Variants in ZNF510 observed in about 807,000 individuals in gnomAD.
ZNF510 encodes zinc finger protein 510.
A neutral mutation model predicts 18.1 loss-of-function variants in ZNF510; 15 were observed. That is an observed-to-expected ratio of 0.83 (90% CI 0.55 to 1.28). ZNF510 has a LOEUF of 1.28. ZNF510 is among the 50% of genes most tolerant of loss of function. The pLI, the probability that ZNF510 is intolerant of heterozygous loss-of-function variation, is 0.00. For synonymous variants in ZNF510, 261 were observed against 266.4 expected, an observed-to-expected ratio of 0.98 and a Z score of 0.20; for missense variants, 724 against 791.8, an observed-to-expected ratio of 0.91 and a Z score of 1.03.
chr9:96,763,197 T>A lies in ZNF510; in HGVS notation c.273A>T (p.Lys91Asn), dbSNP rs746930100. The change falls in exon 5 of 6, where the codon AAA becomes AAT. Residue 91 changes from lysine to asparagine, a missense_variant. Transcript: ENST00000223428. ...GCTCCAACTTGAAGATCACCTCTGG[T>A]TTGAAACAGCAGTACCCTGTTAATA... ...NLVSVGYCCF[K>N]PEVIFKLEQG... 1.2e-6 allele frequency: 2 copies of A among 1,614,036 alleles called. No individual in the cohort carries two copies. Among genetic ancestry groups the A allele is most frequent in the Non-Finnish European group, 1.7e-6 (2 of 1,179,940 alleles).
At position 96,775,117 on chromosome 9, in the gene ZNF510, C is replaced by T. The variant is rs1049428356; in HGVS notation, c.71-271G>A. 9.2e-5 allele frequency among the ~76,000 whole-genome samples: 14 copies of T among 151,412 alleles called. No individual in the cohort carries two copies. The East Asian group carries it at 1.4e-3, about 15-fold the overall frequency. ...CTCTGTTGCCCAGGCTGGAGTGCAGCGGTGTGATCTCAGTTCACTGCAACT... is the reference window on the plus strand; with the variant it reads ...CTCTGTTGCCCAGGCTGGAGTGCAGTGGTGTGATCTCAGTTCACTGCAACT... On this transcript the variant is annotated intron_variant, in intron 2 of 5. Coordinates refer to ENST00000223428, the MANE Select transcript of ZNF510 (RefSeq NM_014930.3).
At position 96,759,207 on chromosome 9, in the gene ZNF510, C is replaced by T. The variant is rs199681217; in HGVS notation, c.1623G>A (p.Glu541=). 5 of 1,613,896 alleles carry T rather than the reference C, an allele frequency of 3.1e-6. No homozygotes were observed. Among genetic ancestry groups the T allele is most frequent in the Non-Finnish European group, 4.2e-6 (5 of 1,180,002 alleles). ...CACATTCATTACACTGGTAAGTTTT[C>T]TCCCCAGTGTGAGTTCTCTGATGTA... The part of the protein sequence containing the change: ...LRIHQRTHTG[E]KTYQCNECEK... Residue 541 remains glutamate (E), a synonymous_variant, in exon 6 of 6, where the codon GAG becomes GAA. Transcript: ENST00000223428.
chr9:96,770,611 A>AT (rs1554796990), intron 3 of ZNF510, among the ~76,000 whole-genome samples: 42 of 150,056 alleles, frequency 2.8e-4, no homozygotes, highest in Non-Finnish European at 4.4e-4. Flanking sequence ...CTCAAAAAAA[A>AT]AATATATATA....
intron 3 of ZNF510, among the ~76,000 whole-genome samples, chr9:96,767,076 C>A (rs1849488783): frequency 6.6e-6 from 1 of 152,132 alleles, no homozygotes; most frequent in Admixed American, 6.5e-5. Context: ...GCCTATAATT[C>A]CAGCACTTTG....
intron 3 of ZNF510, among the ~76,000 whole-genome samples, chr9:96,771,528 C>T (rs1849584483): frequency 6.6e-6 from 1 of 151,692 alleles, no homozygotes; most frequent in Admixed American, 6.6e-5. Flanking sequence ...AAATAAGACT[C>T]AATGGTGAAA....
chr9:96,759,422 C>A lies in ZNF510; in HGVS notation c.1408G>T (p.Val470Phe), dbSNP rs972135810. 2 of 1,613,944 alleles carry A rather than the reference C, an allele frequency of 1.2e-6. No homozygotes were observed. Among genetic ancestry groups the A allele is most frequent in the South Asian group, 2.2e-5 (2 of 91,084 alleles). Residue 470 changes from valine (V) to phenylalanine (F), a missense_variant, in exon 6 of 6, where the codon GTC becomes TTC. Coordinates refer to ENST00000223428, the MANE Select transcript of ZNF510 (RefSeq NM_014930.3). Reference sequence around the variant, plus strand: ...TGTCCCCTGAGGGTTGACTTCTGGACAAATGTTTTTCCACATTCATTACAT... The same window carrying A: ...TGTCCCCTGAGGGTTGACTTCTGGAAAAATGTTTTTCCACATTCATTACAT... ...YKCNECGKTF[V>F]QKSTLRGHQR... is the part of the protein sequence containing the mutation.
At chr9:96,775,248 T>C (rs1849670412) in intron 2 of ZNF510, among the ~76,000 whole-genome samples, 1 of 152,006 alleles carries the variant, frequency 6.6e-6, no homozygotes, top group Non-Finnish European at 1.5e-5. Context: ...TTTGTAGAAA[T>C]GGGGTTTCAC....
intron 3 of ZNF510, among the ~76,000 whole-genome samples, chr9:96,769,839 A>G (rs1228590586): frequency 6.6e-6 from 1 of 152,364 alleles, no homozygotes; most frequent in African/African-American, 2.4e-5. Flanking sequence ...TCATTAATCA[A>G]GGAAATGCAA....
In ZNF510 at chr9:96,759,166, C is replaced by T. The variant is rs143262029; in HGVS notation, c.1664G>A (p.Arg555Gln). 49 of 1,612,720 alleles carry T rather than the reference C, an allele frequency of 3.0e-5. 1 individual carries two copies. The highest frequency in any genetic ancestry group is 1.6e-4 in the Middle Eastern group (1 of 6,066). ...CTGATGTTGAATGAGATGATCTTTT[C>T]GCCAGAAGGATTTTTCACATTCATT... ...QCNECEKSFW[R>Q]KDHLIQHQKT... The change falls in exon 6 of 6, where the codon CGA (arginine) becomes CAA (glutamine). Residue 555 changes from arginine to glutamine, a missense_variant. Coordinates refer to ENST00000223428, the MANE Select transcript of ZNF510 (RefSeq NM_014930.3).
chr9:96,761,554 GCTTGGTTACAACTTCT>G (rs1193877546), intron 5 of ZNF510, among the ~76,000 whole-genome samples: 1 of 152,008 alleles, frequency 6.6e-6, no homozygotes, highest in Non-Finnish European at 1.5e-5. Context: ...GTTTACCTAT[GCTTGGTTACAACTTCT>G]CTATGCTTAG....
chr9:96,769,118 C>T (rs10978891), intron 3 of ZNF510, among the ~76,000 whole-genome samples: 4,921 of 152,060 alleles, frequency 0.032, 218 homozygotes, highest in East Asian at 0.23. Context: ...AGCTGGACTC[C>T]TACCTTATAC....
rs1849154468 is a variant in ZNF510 at position 96,754,569 on chromosome 9, CAATT to C, written c.*4205_*4208del. Among the ~76,000 whole-genome samples the C allele has an allele frequency of 6.6e-6, 1 of 151,812 alleles. No homozygotes were observed. Among genetic ancestry groups the C allele is most frequent in the Non-Finnish European group, 1.5e-5 (1 of 67,980 alleles). ...AGACATAACTTTGAACTGGGAATCT[CAATT>C]TATTGAAAATACATGTTTTGGTTGA... On this transcript the variant is annotated 3_prime_UTR_variant, in exon 6 of 6. Transcript: ENST00000223428.
rs1281123061 is a variant in ZNF510, at chr9:96,758,859, T to G, written c.1971A>C (p.Glu657Asp). 6.2e-7 allele frequency: 1 copy of G among 1,613,930 alleles called. No individual in the cohort carries two copies. The highest frequency in any genetic ancestry group is 1.3e-5 in the African/African-American group (1 of 74,916). ...QRTHSGEKSY[E>D]CNEYGKLCKK... ...TACATAATTTCCCATATTCATTGCA[T>G]TCATAAGATTTCTCCCCACTGTGAG... Residue 657 changes from glutamate (E) to aspartate (D), a missense_variant, in exon 6 of 6, where the codon GAA (glutamate) becomes GAC (aspartate). Glu to Asp is a conservative substitution (Grantham distance 45, BLOSUM62 2). Coordinates refer to ENST00000223428, the MANE Select transcript of ZNF510 (RefSeq NM_014930.3).
At chr9:96,777,611 A>G (rs1001087771) in intron 1 of ZNF510, 1 of 152,172 alleles carries the variant, frequency 6.6e-6, no homozygotes, top group Non-Finnish European at 1.5e-5. Context: ...GTTTTTACTA[A>G]TATCCTCATT....
At chr9:96,767,154 CCT>C (rs1849490481) in intron 3 of ZNF510, among the ~76,000 whole-genome samples, 1 of 151,984 alleles carries the variant, frequency 6.6e-6, no homozygotes, top group Non-Finnish European at 1.5e-5. Context: ...ATGGTGAAAC[CCT>C]GTCTCTACTA....
chr9:96,759,082 C>T lies in ZNF510; in HGVS notation c.1748G>A (p.Arg583Gln), dbSNP rs140977740. 63 of 1,612,584 alleles carry T rather than the reference C, an allele frequency of 3.9e-5. No homozygotes were observed. The highest frequency in any genetic ancestry group is 3.3e-4 in the Middle Eastern group (2 of 6,046). The change falls in exon 6 of 6, where the codon CGG becomes CAG. Residue 583 changes from arginine (R) to glutamine (Q), a missense_variant. By Grantham distance (43) the Arg-to-Gln change is conservative. Transcript: ENST00000223428. Reference sequence around the variant, plus strand: ...TTGATGCACTCTGAGGGTTGATGTCCGGGCAAAAGTTTTCCCACATTCGTT... The same window carrying T: ...TTGATGCACTCTGAGGGTTGATGTCTGGGCAAAAGTTTTCCCACATTCGTT... ...KCNECGKTFA[R>Q]TSTLRVHQRI...
intron 3 of ZNF510, among the ~76,000 whole-genome samples, chr9:96,767,614 T>G (rs1849503972): frequency 6.6e-6 from 1 of 151,892 alleles, no homozygotes; most frequent in Non-Finnish European, 1.5e-5. Context: ...AGCAACAAAT[T>G]ACATAACCAA....
In ZNF510 at chr9:96,757,853, G is replaced by T. The variant is rs537053114; in HGVS notation, c.*925C>A. 6.6e-6 allele frequency: 1 copy of T among 151,650 alleles called. No individual in the cohort carries two copies. The highest frequency in any genetic ancestry group is 1.5e-5 in the Non-Finnish European group (1 of 68,038). 9.4% of individuals were successfully genotyped at this position (151,650 alleles called of 1,614,324 possible). On this transcript the variant is annotated 3_prime_UTR_variant, in exon 6 of 6. Transcript: ENST00000223428. ...TAAAACAAGGGTTACTTGAATACAAGCACTGTCATACCCTGACAGGTGATC... is the reference window on the plus strand; with the variant it reads ...TAAAACAAGGGTTACTTGAATACAATCACTGTCATACCCTGACAGGTGATC...
chr9:96,773,306 G>A (rs1420433309), intron 3 of ZNF510, among the ~76,000 whole-genome samples: 2 of 152,012 alleles, frequency 1.3e-5, no homozygotes, highest in Non-Finnish European at 2.9e-5. Flanking sequence ...CTCAGTTAAA[G>A]AACTAAGTTT....
Sources: gnomAD v4.1 joint callset for allele counts (sites outside exome capture counted in the v4.1 genomes callset) on GRCh38, gnomAD v4.1.1 for gene constraint, MANE v1.5 for transcripts, NCBI Gene and HGNC (gene_info 2026-07-23, HGNC 2026-07-21) for gene names.